The following RNLS variants were observed in gnomAD, a reference collection of about 807,000 sequenced individuals.
RNLS encodes renalase.
In RNLS, 39 loss-of-function variants were observed where a neutral mutation model predicts 39.8. The observed-to-expected ratio is 0.98, with a 90% CI of 0.76 to 1.28. The LOEUF is 1.28. Ranked by LOEUF, RNLS falls within the 50% of genes most tolerant of loss-of-function variation. RNLS has a pLI of 0.00. For synonymous variants in RNLS, 147 were observed against 150.7 expected (o/e 0.98, Z 0.18); for missense variants, 410 against 413.3 (o/e 0.99, Z 0.07).
chr10:88,411,508 A>C (rs570549146), intron 4 of RNLS, among the ~76,000 whole-genome samples: 15 of 150,306 alleles, frequency 1.0e-4, no homozygotes, highest in Admixed American at 2.0e-4. Context: ...GGACTGACTT[A>C]AGCCCCATCT....
the RNLS span, among the ~76,000 whole-genome samples, chr10:88,217,509 C>T: frequency 6.6e-6 from 1 of 152,018 alleles, no homozygotes; most frequent in Admixed American, 6.6e-5. Context: ...GCCAAGATAA[C>T]TTTGGTTCAA....
exon 7 of RNLS, chr10:88,274,112 C>T (rs182113892): frequency 6.6e-6 from 1 of 152,272 alleles, no homozygotes; most frequent in East Asian, 1.9e-4. Flanking sequence ...AGGGGCCTCA[C>T]ACTTCTTGTT....
chr10:88,272,490 C>T (rs1173627432), downstream of RNLS, among the ~76,000 whole-genome samples: 1 of 152,152 alleles, frequency 6.6e-6, no homozygotes, highest in Non-Finnish European at 1.5e-5. Flanking sequence ...GGTCCCTCTC[C>T]AGGGATTCTA....
intron 4 of RNLS, among the ~76,000 whole-genome samples, chr10:88,531,973 A>G (rs1847452935): frequency 6.6e-6 from 1 of 152,040 alleles, no homozygotes; most frequent in Non-Finnish European, 1.5e-5. Context: ...AGAACTACCT[A>G]ATCTTGCTTG....
chr10:88,369,078 T>A (rs921111878), intron 4 of RNLS, among the ~76,000 whole-genome samples: 1 of 152,214 alleles, frequency 6.6e-6, no homozygotes, highest in Non-Finnish European at 1.5e-5. Context: ...ATTCTTCATG[T>A]TATTAAATTG....
rs1363543913 is a variant in RNLS, at chr10:88,362,698, A to C, written c.554T>G (p.Leu185Arg). The change falls in exon 5 of 7, where the codon CTG becomes CGG. Residue 185 changes from leucine to arginine, a missense_variant. By Grantham distance (102) the Leu-to-Arg change is moderately radical. Coordinates refer to ENST00000331772, the MANE Select transcript of RNLS (RefSeq NM_001031709.3). ...TLISECQRQQ[L>R]EAVSYSSRYA... is the part of the protein sequence containing the mutation. The stretch of plus-strand genomic sequence containing the variant: ...TCGAGAGGAGTAGCTCACAGCCTCC[A>C]GTTGCTGCCTTTGGCATTCACTAAT... 6.2e-7 allele frequency: 1 copy of C among 1,613,670 alleles called. No individual in the cohort carries two copies. Among genetic ancestry groups the C allele is most frequent in the South Asian group, 1.1e-5 (1 of 91,000 alleles).
the RNLS span, among the ~76,000 whole-genome samples, chr10:88,226,595 C>A: frequency 6.6e-6 from 1 of 152,130 alleles, no homozygotes; most frequent in Non-Finnish European, 1.5e-5. Flanking sequence ...TGTTTTTACT[C>A]TACATATCTT....
chr10:88,344,551 T>C lies in RNLS; in HGVS notation c.700+18001A>G, dbSNP rs181913066. ...TAAATCAGAGGGACTATAATCTTTA[T>C]GATATTGTTAGCCACTCCCGAGAAA... On this transcript the variant is annotated intron_variant, in intron 5 of 6. Transcript: ENST00000331772. Among the ~76,000 whole-genome samples, 21 of 152,264 alleles carry C rather than the reference T, an allele frequency of 1.4e-4. 1 individual carries two copies. In the East Asian group the frequency reaches 4.0e-3, roughly 29 times the overall value.
At chr10:88,253,553 T>C in the RNLS span, among the ~76,000 whole-genome samples, 1 of 152,212 alleles carries the variant, frequency 6.6e-6, no homozygotes, top group East Asian at 1.9e-4. Context: ...AAGGTGGCAC[T>C]GGTCTTGCCC....
At chr10:88,576,262 A>T (rs1368623904) in intron 3 of RNLS, among the ~76,000 whole-genome samples, 1 of 152,218 alleles carries the variant, frequency 6.6e-6, no homozygotes, top group Non-Finnish European at 1.5e-5. Context: ...AGAGGCCAGG[A>T]TCATGTCTCT....
intron 4 of RNLS, among the ~76,000 whole-genome samples, chr10:88,365,446 C>T (rs1282197459): frequency 2.0e-5 from 3 of 151,180 alleles, no homozygotes; most frequent in East Asian, 1.9e-4. Flanking sequence ...TATAAAAAGG[C>T]CCAATTCCAA....
chr10:88,191,595 G>T, the RNLS span, among the ~76,000 whole-genome samples: 1 of 152,206 alleles, frequency 6.6e-6, no homozygotes, highest in African/African-American at 2.4e-5. Context: ...GCAGGGATTA[G>T]AAGGCAAAGA....
intron 4 of RNLS, among the ~76,000 whole-genome samples, chr10:88,393,682 G>GA (rs1332425104): frequency 6.6e-6 from 1 of 152,020 alleles, no homozygotes; most frequent in African/African-American, 2.4e-5. Context: ...CACAGAATTG[G>GA]AAAAAACTAC....
chr10:88,265,973 C>T, the RNLS span, among the ~76,000 whole-genome samples: 72 of 152,298 alleles, frequency 4.7e-4, 1 homozygote, highest in African/African-American at 1.5e-3. Context: ...TCCCCAGCAG[C>T]CAGCATGAGG....
chr10:88,380,657 T>C (rs1851407865), intron 4 of RNLS, among the ~76,000 whole-genome samples: 1 of 152,156 alleles, frequency 6.6e-6, no homozygotes, highest in Non-Finnish European at 1.5e-5. Context: ...GTGCTGGGAT[T>C]ACAGGCGTGA....
intron 4 of RNLS, among the ~76,000 whole-genome samples, chr10:88,518,327 A>AT (rs1233945725): frequency 6.6e-6 from 1 of 151,876 alleles, no homozygotes; most frequent in Non-Finnish European, 1.5e-5. Context: ...TGGATAAGGG[A>AT]TTTTTATTCC....
At chr10:88,296,081 T>C (rs910613569) in intron 6 of RNLS, among the ~76,000 whole-genome samples, 8 of 152,322 alleles carry the variant, frequency 5.3e-5, no homozygotes, top group Non-Finnish European at 1.2e-4. Context: ...TCTTCAAATA[T>C]TTGTTTTGTT....
At chr10:88,575,138 A>G (rs1233883449) in intron 3 of RNLS, among the ~76,000 whole-genome samples, 4 of 31,456 alleles carry the variant, frequency 1.3e-4, no homozygotes, top group African/African-American at 9.4e-4. Context: ...ATATATATAT[A>G]TATATATATA....
In RNLS at chr10:88,453,345, G is replaced by A. The variant is rs78127146; in HGVS notation, c.527-90620C>T. Among the ~76,000 whole-genome samples the A allele has an allele frequency of 7.2e-3, 1,090 of 152,300 alleles. 12 individuals carry two copies. Among genetic ancestry groups the A allele is most frequent in the African/African-American group, 0.025 (1,030 of 41,546 alleles). On this transcript the variant is annotated intron_variant, in intron 4 of 6. Transcript: ENST00000331772. ...ACCCAAAGTCATGCTCCTTCCCGGCGGTAGCCCACATCCAATGACTGGGTG... is the reference window on the plus strand; with the variant it reads ...ACCCAAAGTCATGCTCCTTCCCGGCAGTAGCCCACATCCAATGACTGGGTG...
Sources: allele counts gnomAD v4.1 joint callset (sites outside exome capture counted in the v4.1 genomes callset), GRCh38; gene constraint gnomAD v4.1.1; transcripts MANE v1.5; gene names NCBI Gene and HGNC (gene_info 2026-07-23, HGNC 2026-07-21).